The following CCDC120 variants were observed in gnomAD, a reference collection of about 807,000 sequenced individuals.
CCDC120 encodes coiled-coil domain-containing protein 120.
In CCDC120, 16 loss-of-function variants were observed where a neutral mutation model predicts 37.6. The observed-to-expected ratio is 0.43, with a 90% CI of 0.29 to 0.65. CCDC120 has a LOEUF of 0.65. CCDC120 is among the 30% of genes least tolerant of loss of function. The pLI, the probability that CCDC120 is intolerant of heterozygous loss-of-function variation, is 0.18. For missense variants in CCDC120, 650 were observed against 657.4 expected (o/e 0.99, Z 0.12); for synonymous variants, 309 against 275.4 (o/e 1.12, Z -1.21).
intron 4 of CCDC120, among the ~76,000 whole-genome samples, 192 bp from the exon 5 acceptor site, chrX:49,063,669 A>C (rs1014004057): frequency 1.8e-5 from 2 of 111,629 alleles, no homozygotes; most frequent in African/African-American, 6.5e-5. Flanking sequence ...CCACCACCCC[A>C]GGGGTTTGGG....
Position 49,067,380 on chromosome X carries a change from C to T in CCDC120, c.1266C>T (p.Gly422=), listed in dbSNP as rs782804086. ...CCCCTCTGGCTCCCTCTGCCTCTGG[C>T]CCCCCAGTCTGCAAGAGCAGTGAGG... The part of the protein sequence containing the change: ...PPAPLAPSAS[G]PPVCKSSEVL... The change falls in exon 10 of 11, where the codon GGC becomes GGT. Residue 422 remains glycine, a synonymous_variant. Coordinates refer to ENST00000603986, the MANE Select transcript of CCDC120 (RefSeq NM_001163321.4). The T allele has an allele frequency of 6.7e-6, 8 of 1,193,830 alleles. No individual in the cohort carries two copies. The highest frequency in any genetic ancestry group is 1.8e-5 in the South Asian group (1 of 55,221).
rs1332578441 is a variant in CCDC120, at chrX:49,059,049, C to T, written c.-130C>T. The T allele has an allele frequency of 8.9e-6, 1 of 112,677 alleles. No individual in the cohort carries two copies. The highest frequency in any genetic ancestry group is 1.9e-5 in the Non-Finnish European group (1 of 53,328). The allele number at this position is 112,677 out of a possible 1,213,427, so 9.3% of individuals were successfully genotyped here. A position where few individuals can be genotyped will look rare whatever the true frequency, so the allele number is the denominator to read the frequency against. On this transcript the variant is annotated 5_prime_UTR_variant, in exon 1 of 11. Transcript: ENST00000603986. The stretch of plus-strand genomic sequence containing the variant: ...CGGAGCCAGGGCCTGGTCGAGACAA[C>T]TATTTTTGAGGTATCTGAGGCTACC...
At chrX:49,061,936 T>C in intron 1 of CCDC120, 23 bp from the exon 2 acceptor site, 2 of 1,111,761 alleles carry the variant, frequency 1.8e-6, no homozygotes, top group East Asian at 6.6e-5. Context: ...GTTGAATCTG[T>C]CCCATTAATT....
chrX:49,065,648 C>T lies in CCDC120; in HGVS notation c.962+20C>T. 1 of 1,207,917 alleles carries T rather than the reference C, an allele frequency of 8.3e-7. No individual in the cohort carries two copies. The highest frequency in any genetic ancestry group is 1.1e-6 in the Non-Finnish European group (1 of 893,636). On this transcript the variant is annotated intron_variant, in intron 8 of 10. Coordinates refer to ENST00000603986, the MANE Select transcript of CCDC120 (RefSeq NM_001163321.4). ...CACCAGGTGAGAATGAGCCCCTCCT[C>T]CCCTCCGCAGGAGCTGGGAATGGGA...
chrX:49,066,965 A>G, intron 9 of CCDC120: 2 of 418,210 alleles, frequency 4.8e-6, no homozygotes, highest in South Asian at 4.3e-5. Context: ...TCCCCCACGC[A>G]TTTCTACCCC....
intron 2 of CCDC120, 44 bp from the exon 3 acceptor site, chrX:49,062,191 T>C: frequency 1.7e-6 from 2 of 1,183,149 alleles, no homozygotes; most frequent in South Asian, 3.7e-5. Context: ...GGTTGGGGTA[T>C]CATGGGATGT....
intron 10 of CCDC120, chrX:49,068,298 A>G: frequency 2.8e-6 from 3 of 1,079,911 alleles, no homozygotes; most frequent in South Asian, 4.9e-5. Flanking sequence ...GGTAGCAGCA[A>G]TTCTTTATCA....
chrX:49,057,871 G>A (rs2064842295), upstream of CCDC120, among the ~76,000 whole-genome samples: 1 of 111,578 alleles, frequency 9.0e-6, no homozygotes, highest in Non-Finnish European at 1.9e-5. Flanking sequence ...TGGTGGTGAT[G>A]GTGGTGGTGG....
At position 49,068,133 on chromosome X, in the gene CCDC120, C is replaced by T; in HGVS notation, c.1976+43C>T. The T allele has an allele frequency of 8.7e-7, 1 of 1,143,407 alleles. No homozygotes were observed. Among genetic ancestry groups the T allele is most frequent in the Non-Finnish European group, 1.2e-6 (1 of 860,723 alleles). 94.2% of individuals were successfully genotyped at this position (1,143,407 alleles called of 1,213,427 possible). A position where few individuals can be genotyped will look rare whatever the true frequency, so the allele number is the denominator to read the frequency against. ...ACTGATGGGTAGGGGTCTCGTAAGG[C>T]AGATGGCGAAGATATCCAGGCCAGG... is the stretch of plus-strand genomic sequence containing the variant. On this transcript the variant is annotated intron_variant, in intron 10 of 10. Transcript: ENST00000603986.
At chrX:49,064,985 A>G (rs2064935716) in intron 6 of CCDC120, 51 bp from the exon 7 acceptor site, 5 of 1,163,654 alleles carry the variant, frequency 4.3e-6, no homozygotes, top group African/African-American at 1.8e-5. Flanking sequence ...GTAAGGGGGC[A>G]GCACCCAGGC....
chrX:49,067,055 C>G (rs2064963247), intron 9 of CCDC120, 121 bp from the exon 10 acceptor site: 1 of 612,439 alleles, frequency 1.6e-6, no homozygotes, highest in Non-Finnish European at 2.6e-6. Flanking sequence ...AGCTTCCAAC[C>G]TTGGGCCCAT....
chrX:49,060,046 TC>T, intron 1 of CCDC120, among the ~76,000 whole-genome samples: 1 of 111,858 alleles, frequency 8.9e-6, no homozygotes, highest in Middle Eastern at 4.6e-3. Flanking sequence ...TCTAACTATG[TC>T]CCCCCGAGGT....
intron 4 of CCDC120, 46 bp downstream of exon 4, chrX:49,062,647 G>A: frequency 8.5e-7 from 1 of 1,175,807 alleles, no homozygotes; most frequent in Non-Finnish European, 1.1e-6. Flanking sequence ...GTTGGGAGGA[G>A]GTGAGGAGCT....
chrX:49,058,863 C>G (rs1051073072), upstream of CCDC120: 1 of 112,173 alleles, frequency 8.9e-6, no homozygotes, highest in Non-Finnish European at 1.9e-5. Flanking sequence ...CTGAGTGGAC[C>G]TGGCCCTGAA....
Position 49,064,628 on chromosome X carries a change from G to A in CCDC120, c.688G>A (p.Val230Ile), listed in dbSNP as rs782590983. ...STGSVITTQG[V>I]CLGMRLAQLS... ...GGGGTCAGTGATCACCACCCAGGGA[G>A]TCTGCCTGGGCATGCGTCTTGCTCA... is the stretch of plus-strand genomic sequence containing the variant. The change falls in exon 6 of 11, where the codon GTC becomes ATC. Residue 230 changes from valine (V) to isoleucine (I), a missense_variant. This residue lies in a region of CCDC120 where 576 missense variants were observed against 565.3 expected (regional missense o/e 1.02). Coordinates refer to ENST00000603986, the MANE Select transcript of CCDC120 (RefSeq NM_001163321.4). The A allele has an allele frequency of 8.4e-7, 1 of 1,194,537 alleles. No individual in the cohort carries two copies. Among genetic ancestry groups the A allele is most frequent in the South Asian group, 1.8e-5 (1 of 54,487 alleles).
Position 49,067,749 on chromosome X carries a change from C to T in CCDC120, c.1635C>T (p.Ala545=), listed in dbSNP as rs2064976148. The T allele has an allele frequency of 3.3e-6, 4 of 1,196,879 alleles. No homozygotes were observed. Among genetic ancestry groups the T allele is most frequent in the Non-Finnish European group, 4.5e-6 (4 of 885,081 alleles). ...LLRTKDPHTR[A]TRTKPCGLPP... ...GCACCAAGGACCCCCACACCCGTGCCACCCGCACTAAGCCCTGTGGCCTGC... is the reference window on the plus strand; with the variant it reads ...GCACCAAGGACCCCCACACCCGTGCTACCCGCACTAAGCCCTGTGGCCTGC... Residue 545 remains alanine, a synonymous_variant, in exon 10 of 11, where the codon GCC becomes GCT. Coordinates refer to ENST00000603986, the MANE Select transcript of CCDC120 (RefSeq NM_001163321.4).
At chrX:49,065,167 C>A in intron 7 of CCDC120, 69 bp downstream of exon 7, 1 of 1,030,768 alleles carries the variant, frequency 9.7e-7, no homozygotes, top group South Asian at 2.0e-5. Flanking sequence ...CTTTATTCAT[C>A]CGACCACATC....
chrX:49,065,732 C>T lies in CCDC120; in HGVS notation c.963-15C>T, dbSNP rs782093372. The T allele has an allele frequency of 1.3e-5, 15 of 1,175,434 alleles. No homozygotes were observed. Among genetic ancestry groups the T allele is most frequent in the Non-Finnish European group, 1.7e-5 (15 of 877,182 alleles). On this transcript the variant is annotated splice_polypyrimidine_tract_variant and intron_variant, in intron 8 of 10. Coordinates refer to ENST00000603986, the MANE Select transcript of CCDC120 (RefSeq NM_001163321.4). The stretch of plus-strand genomic sequence containing the variant: ...GGGTACAGTCTCTAACCTAGGCCTG[C>T]CTGTCTCTGTCTAGCCCCACACGCT...
At position 49,062,328 on chromosome X, in the gene CCDC120, C is replaced by A. The variant is rs200797723; in HGVS notation, c.154+3C>A. 26 of 1,205,988 alleles carry A rather than the reference C, an allele frequency of 2.2e-5. No homozygotes were observed. The Middle Eastern group carries it at 6.9e-4, about 32-fold the overall frequency. Reference sequence around the variant, plus strand: ...CTCTCCTACCTTCAATGCCCCAGGTCGGTGGCTGCTTCCCCTCCTGCTGCC... The same window carrying A: ...CTCTCCTACCTTCAATGCCCCAGGTAGGTGGCTGCTTCCCCTCCTGCTGCC... On this transcript the variant is annotated splice_donor_region_variant and intron_variant, in intron 3 of 10. Transcript: ENST00000603986.
Sources: gnomAD v4.1 joint callset for allele counts (sites outside exome capture counted in the v4.1 genomes callset) on GRCh38, gnomAD v4.1.1 for gene constraint, gnomAD v4.1.1 regional missense constraint, MANE v1.5 for transcripts, NCBI Gene and HGNC (gene_info 2026-07-23, HGNC 2026-07-21) for gene names.